CACNA1D: variants seen among roughly 807,000 people sequenced by gnomAD.
CACNA1D encodes voltage-dependent L-type calcium channel subunit alpha-1D.
In CACNA1D, 55 loss-of-function variants were observed where a neutral mutation model predicts 257.1. That is an observed-to-expected ratio of 0.21 (90% CI 0.17 to 0.27). The LOEUF (loss-of-function observed/expected upper bound fraction) is 0.27, where lower values mean the gene tolerates loss of function less well. Among genes scored for constraint, CACNA1D ranks in the 10% least tolerant of loss-of-function variants. The pLI is 1.00. For synonymous variants in CACNA1D, 980 were observed against 1,014.9 expected, an observed-to-expected ratio of 0.97 and a Z score of 0.65; for missense variants, 1,876 against 2,784.0, an observed-to-expected ratio of 0.67 and a Z score of 7.34.
chr3:53,710,512 A>G (rs1439432762), intron 9 of CACNA1D: 1 of 456,484 alleles, frequency 2.2e-6, no homozygotes. Context: ...CTTTTTCCGC[A>G]ACATCTCTGA....
At chr3:53,560,061 CTTTTTTT>C (rs34438908) in intron 3 of CACNA1D, among the ~76,000 whole-genome samples, 11 of 102,658 alleles carry the variant, frequency 1.1e-4, no homozygotes, top group Non-Finnish European at 1.5e-4. Context: ...TTAGGAGTTC[CTTTTTTT>C]TTTTTTTTTT....
intron 3 of CACNA1D, among the ~76,000 whole-genome samples, chr3:53,593,611 T>C (rs779315293): frequency 4.6e-5 from 7 of 152,282 alleles, no homozygotes; most frequent in Non-Finnish European, 1.0e-4. Context: ...TGTAAAATTA[T>C]CAGGAAATCC....
At chr3:53,574,858 C>T (rs1393633957) in intron 3 of CACNA1D, among the ~76,000 whole-genome samples, 1 of 152,180 alleles carries the variant, frequency 6.6e-6, no homozygotes, top group Non-Finnish European at 1.5e-5. Context: ...GACTTTAACC[C>T]CTGTGAAGCC....
chr3:53,614,124 C>G, intron 3 of CACNA1D, among the ~76,000 whole-genome samples: 1 of 65,166 alleles, frequency 1.5e-5, no homozygotes, highest in South Asian at 3.6e-4. Context: ...AAGCCCCCAA[C>G]TCAAAAAAAA....
chr3:53,596,224 A>G (rs1416391358), intron 3 of CACNA1D, among the ~76,000 whole-genome samples: 1 of 151,926 alleles, frequency 6.6e-6, no homozygotes, highest in Admixed American at 6.6e-5. Context: ...CCCTAGGCTC[A>G]CTGTGTGACC....
intron 3 of CACNA1D, among the ~76,000 whole-genome samples, chr3:53,521,586 A>G (rs928535650): frequency 6.6e-6 from 1 of 152,046 alleles, no homozygotes; most frequent in Non-Finnish European, 1.5e-5. Context: ...CTCAGTTTCC[A>G]CCCCACTGTT....
intron 40 of CACNA1D, among the ~76,000 whole-genome samples, chr3:53,788,098 TGAGA>T (rs1401751927): frequency 1.3e-5 from 2 of 152,058 alleles, no homozygotes; most frequent in African/African-American, 2.4e-5. Flanking sequence ...TTGATCTTGC[TGAGA>T]GAGAGAATAT....
At chr3:53,752,715 C>G (rs528703343) in intron 28 of CACNA1D, among the ~76,000 whole-genome samples, 3 of 152,278 alleles carry the variant, frequency 2.0e-5, no homozygotes, top group South Asian at 2.1e-4. Context: ...ACACTTTGAT[C>G]TGGGCCTGTC....
At chr3:53,738,158 G>A (rs2095077554) in intron 20 of CACNA1D, among the ~76,000 whole-genome samples, 1 of 152,194 alleles carries the variant, frequency 6.6e-6, no homozygotes, top group African/African-American at 2.4e-5. Flanking sequence ...ACCTTTTTCT[G>A]AGCACCAGGT....
chr3:53,605,479 C>G (rs1455149264), intron 3 of CACNA1D, among the ~76,000 whole-genome samples: 1 of 152,214 alleles, frequency 6.6e-6, no homozygotes, highest in Non-Finnish European at 1.5e-5. Context: ...GTAATTATAA[C>G]TTCTGTGCAG....
intron 3 of CACNA1D, among the ~76,000 whole-genome samples, chr3:53,508,294 A>G (rs1308745123): frequency 6.6e-6 from 1 of 151,936 alleles, no homozygotes; most frequent in Non-Finnish European, 1.5e-5. Flanking sequence ...ATTTATCCTG[A>G]TGCTCTTCCT....
rs1169231358 is a variant in CACNA1D at position 53,802,191 on chromosome 3, G to A, written c.5435+18G>A. ...TACATTAGGTATGTGCTCATTACCT[G>A]TTTTTGTGTTAAATACTGTGATGGT... On this transcript the variant is annotated intron_variant, in intron 43 of 47. Coordinates refer to ENST00000350061, the MANE Select transcript of CACNA1D (RefSeq NM_001128840.3). 1.3e-6 allele frequency: 2 copies of A among 1,591,246 alleles called. No homozygotes were observed. The highest frequency in any genetic ancestry group is 2.2e-5 in the East Asian group (1 of 44,782).
At chr3:53,696,345 C>T (rs948510292) in intron 8 of CACNA1D, among the ~76,000 whole-genome samples, 32 of 152,210 alleles carry the variant, frequency 2.1e-4, no homozygotes, top group African/African-American at 6.3e-4. Context: ...TTCCAGGCAT[C>T]GTGTTGAGGT....
intron 3 of CACNA1D, among the ~76,000 whole-genome samples, chr3:53,602,076 A>G (rs879780597): frequency 2.6e-5 from 4 of 152,084 alleles, no homozygotes; most frequent in Admixed American, 1.3e-4. Context: ...TCTTCAATCT[A>G]TTTGTACCCA....
At chr3:53,724,032 T>G in intron 14 of CACNA1D, 33 bp downstream of exon 14, 2 of 1,552,212 alleles carry the variant, frequency 1.3e-6, no homozygotes, top group Non-Finnish European at 1.8e-6. Context: ...GAAAAGCACT[T>G]CGTGAGCAGC....
intron 3 of CACNA1D, among the ~76,000 whole-genome samples, chr3:53,507,089 A>G (rs182402801): frequency 1.7e-4 from 26 of 150,272 alleles, no homozygotes; most frequent in South Asian, 1.7e-3. Context: ...AAAAAAAAAA[A>G]AAAACAAAAA....
chr3:53,753,010 C>G (rs2095239301), intron 28 of CACNA1D, among the ~76,000 whole-genome samples: 1 of 152,230 alleles, frequency 6.6e-6, no homozygotes, highest in South Asian at 2.1e-4. Flanking sequence ...AGCTTTTGCA[C>G]TGACTTTAAG....
At chr3:53,567,351 G>A (rs938550991) in intron 3 of CACNA1D, among the ~76,000 whole-genome samples, 1 of 152,260 alleles carries the variant, frequency 6.6e-6, no homozygotes, top group Non-Finnish European at 1.5e-5. Flanking sequence ...TATGAAAGAG[G>A]CTTCGTTGCT....
intron 3 of CACNA1D, among the ~76,000 whole-genome samples, chr3:53,508,218 A>G (rs2090940589): frequency 1.3e-5 from 2 of 152,164 alleles, no homozygotes. Flanking sequence ...AGGTAAATGC[A>G]TGCCACGGTG....
Sources: allele counts gnomAD v4.1 joint callset (sites outside exome capture counted in the v4.1 genomes callset), GRCh38; gene constraint gnomAD v4.1.1; transcripts MANE v1.5; gene names NCBI Gene and HGNC (gene_info 2026-07-23, HGNC 2026-07-21).